Variants in GPR137B observed in about 807,000 individuals in gnomAD.
GPR137B encodes G protein-coupled receptor 137B, also known as integral membrane protein GPR137B.
In GPR137B, 42 loss-of-function variants were observed where a neutral mutation model predicts 42.5. That is an observed-to-expected ratio of 0.99 (90% CI 0.77 to 1.28). The LOEUF (loss-of-function observed/expected upper bound fraction) is 1.28. Among genes scored for constraint, GPR137B ranks in the 50% most tolerant of loss-of-function variants. The pLI is 0.00. For missense variants in GPR137B, 487 were observed against 493.9 expected (o/e 0.99, Z 0.13); for synonymous variants, 218 against 209.7 (o/e 1.04, Z -0.34).
Position 236,208,426 on chromosome 1 carries a change from CTT to C in GPR137B, c.*269_*270del, listed in dbSNP as rs1663729739. ...TTTTATAAAGATGTATTTTGTATAA[CTT>C]AAATAATAATGCTAAAGTATACTAG... On this transcript the variant is annotated 3_prime_UTR_variant, in exon 7 of 7. Coordinates refer to ENST00000366592, the MANE Select transcript of GPR137B (RefSeq NM_003272.4). The C allele has an allele frequency of 3.0e-6, 3 of 989,916 alleles. No individual in the cohort carries two copies. Among genetic ancestry groups the C allele is most frequent in the Non-Finnish European group, 3.9e-6 (3 of 779,220 alleles). 61.3% of individuals were successfully genotyped at this position (989,916 alleles called of 1,614,324 possible). A position where few individuals can be genotyped will look rare whatever the true frequency, so the allele number is the denominator to read the frequency against.
rs1193660392 is a variant in GPR137B at position 236,142,787 on chromosome 1, G to A, written c.165G>A (p.Leu55=). Residue 55 remains leucine (L), a synonymous_variant, in exon 1 of 7, where the codon CTG becomes CTA. Coordinates refer to ENST00000366592, the MANE Select transcript of GPR137B (RefSeq NM_003272.4). The stretch of plus-strand genomic sequence containing the variant: ...TCGTCTACACCGTGTTCTACGCGCT[G>A]CTCTTCGTGTTCATCTACGTGCAGC... ...LTVVYTVFYA[L]LFVFIYVQLW... The A allele has an allele frequency of 1.2e-6, 2 of 1,613,784 alleles. No individual in the cohort carries two copies. The highest frequency in any genetic ancestry group is 1.7e-6 in the Non-Finnish European group (2 of 1,179,986).
intron 1 of GPR137B, among the ~76,000 whole-genome samples, chr1:236,144,288 G>A (rs549880359): frequency 9.2e-5 from 14 of 152,154 alleles, no homozygotes; most frequent in African/African-American, 3.1e-4. Context: ...GGTAGTGCCC[G>A]CCTGTAGTTC....
chr1:236,187,692 T>TGTTTTGGTACCAGTACCATG (rs1663072590), intron 5 of GPR137B, among the ~76,000 whole-genome samples: 1 of 129,004 alleles, frequency 7.8e-6, no homozygotes, highest in Admixed American at 8.2e-5. Flanking sequence ...GGTCTATATA[T>TGTTTTGGTACCAGTACCATG]CTGTTTTGGT....
chr1:236,158,639 C>T (rs2102896748), intron 1 of GPR137B, among the ~76,000 whole-genome samples: 1 of 152,270 alleles, frequency 6.6e-6, no homozygotes, highest in Non-Finnish European at 1.5e-5. Context: ...TTTCTTTAGT[C>T]AGGAGTCTGT....
At chr1:236,207,334 T>TGA in intron 6 of GPR137B, 1 of 933,748 alleles carries the variant, frequency 1.1e-6, no homozygotes, top group East Asian at 1.2e-4. Context: ...TCAAAAGCTG[T>TGA]CCTTTGGGTC....
chr1:236,196,412 T>A (rs958523225), intron 5 of GPR137B, among the ~76,000 whole-genome samples: 1 of 152,190 alleles, frequency 6.6e-6, no homozygotes, highest in Non-Finnish European at 1.5e-5. Flanking sequence ...AGTGCTGGGA[T>A]TACAGGCATG....
At chr1:236,152,326 G>T (rs1232669317) in intron 1 of GPR137B, among the ~76,000 whole-genome samples, 1 of 152,164 alleles carries the variant, frequency 6.6e-6, no homozygotes, top group East Asian at 1.9e-4. Flanking sequence ...GCCAAGCATA[G>T]TGGCATGCAC....
intron 5 of GPR137B, among the ~76,000 whole-genome samples, chr1:236,197,510 T>C (rs11485006): frequency 6.6e-6 from 1 of 152,096 alleles, no homozygotes; most frequent in African/African-American, 2.4e-5. Flanking sequence ...AGAATTTTTC[T>C]GGTTTCAGGT....
At chr1:236,164,726 T>C (rs1231507036) in intron 1 of GPR137B, among the ~76,000 whole-genome samples, 1 of 152,180 alleles carries the variant, frequency 6.6e-6, no homozygotes. Context: ...ATATTATCTA[T>C]ATAATAAGTT....
chr1:236,186,270 T>TATATATAATATA (rs1382996001), intron 5 of GPR137B, among the ~76,000 whole-genome samples: 2 of 49,136 alleles, frequency 4.1e-5, no homozygotes. Context: ...TATTATATAT[T>TATATATAATATA]ATATATAATA....
At chr1:236,157,269 G>A (rs1263855411) in intron 1 of GPR137B, among the ~76,000 whole-genome samples, 1 of 147,790 alleles carries the variant, frequency 6.8e-6, no homozygotes, top group East Asian at 2.0e-4. Flanking sequence ...CAGTCGCCCA[G>A]GCTGGAGTGC....
intron 3 of GPR137B, among the ~76,000 whole-genome samples, 185 bp from the exon 4 acceptor site, chr1:236,179,694 C>T (rs1009171944): frequency 6.6e-6 from 1 of 152,154 alleles, no homozygotes; most frequent in African/African-American, 2.4e-5. Context: ...TCCCAGGGTC[C>T]ATATGAAGAC....
chr1:236,183,373 T>C (rs1474543205), intron 4 of GPR137B, among the ~76,000 whole-genome samples: 1 of 152,216 alleles, frequency 6.6e-6, no homozygotes, highest in Non-Finnish European at 1.5e-5. Context: ...CACTATTCAA[T>C]TGTTGAAGAA....
rs1011975798 is a variant in GPR137B at position 236,208,080 on chromosome 1, A to T, written c.1122A>T (p.Gln374His). 1 of 1,613,282 alleles carries T rather than the reference A, an allele frequency of 6.2e-7. No homozygotes were observed. Among genetic ancestry groups the T allele is most frequent in the African/African-American group, 1.3e-5 (1 of 74,900 alleles). ...GFAPDYYDWGQQTNSFLAQAG... is the reference protein window; with the variant it reads ...GFAPDYYDWGHQTNSFLAQAG... ...CTCCAGATTACTATGATTGGGGACAACAAACTAACAGCTTCCTGGCACAAG... is the reference window on the plus strand; with the variant it reads ...CTCCAGATTACTATGATTGGGGACATCAAACTAACAGCTTCCTGGCACAAG... The change falls in exon 7 of 7, where the codon CAA becomes CAT. Residue 374 changes from glutamine (Q) to histidine (H), a missense_variant. Physicochemically the swap from Gln to His is conservative, Grantham distance 24 (BLOSUM62 0). Transcript: ENST00000366592.
rs1571959409 is a variant in GPR137B at position 236,150,885 on chromosome 1, C to T, written c.414+7849C>T. ...GTCCCGCTGCTGCTGTGCCCACCCT[C>T]TGAGCCCCAGGCTAGCTGCTCAGCG... On this transcript the variant is annotated intron_variant, in intron 1 of 6. Transcript: ENST00000366592. This position sits in a 1 kb window ranked among gnomAD's most constrained non-coding sequence, Gnocchi z 6.2. Among the ~76,000 whole-genome samples the T allele has an allele frequency of 1.3e-5, 2 of 152,216 alleles. No homozygotes were observed. The highest frequency in any genetic ancestry group is 4.8e-5 in the African/African-American group (2 of 41,456).
intron 5 of GPR137B, among the ~76,000 whole-genome samples, chr1:236,194,919 C>A (rs1663292515): frequency 6.6e-6 from 1 of 152,078 alleles, no homozygotes; most frequent in African/African-American, 2.4e-5. Flanking sequence ...GATTTATATC[C>A]AAATTGAACT....
chr1:236,183,353 A>C (rs1662935308), intron 4 of GPR137B, among the ~76,000 whole-genome samples: 3 of 152,246 alleles, frequency 2.0e-5, no homozygotes, highest in Non-Finnish European at 2.9e-5. Flanking sequence ...AGGAGGCAAC[A>C]TAACCTTCTC....
rs1203052425 is a variant in GPR137B, at chr1:236,156,292, A to G, written c.415-12414A>G. Among the ~76,000 whole-genome samples the G allele has an allele frequency of 1.3e-5, 2 of 152,204 alleles. No homozygotes were observed. Among genetic ancestry groups the G allele is most frequent in the Non-Finnish European group, 2.9e-5 (2 of 68,034 alleles). ...GAGGTGATGCGGTGAACACCTGACC[A>G]TGTATTCCAGTGACCCCTCTCACAC... On this transcript the variant is annotated intron_variant, in intron 1 of 6. Coordinates refer to ENST00000366592, the MANE Select transcript of GPR137B (RefSeq NM_003272.4). This position sits in a 1 kb window ranked among gnomAD's most constrained non-coding sequence, Gnocchi z 4.8.
intron 1 of GPR137B, among the ~76,000 whole-genome samples, chr1:236,148,656 G>A (rs751632198): frequency 6.6e-6 from 1 of 152,166 alleles, no homozygotes; most frequent in Non-Finnish European, 1.5e-5. Context: ...ACTCAGCTAG[G>A]GACTTCCACA....
Sources: gnomAD v4.1 joint callset for allele counts (sites outside exome capture counted in the v4.1 genomes callset) on GRCh38, gnomAD v4.1.1 for gene constraint, Gnocchi (gnomAD v3.1) non-coding constraint, MANE v1.5 for transcripts, NCBI Gene and HGNC (gene_info 2026-07-23, HGNC 2026-07-21) for gene names.